Variants in SPMIP7 observed in about 807,000 individuals in gnomAD.
SPMIP7 encodes the protein protein SPMIP7.
At chr7:50,157,335 G>A in the SPMIP7 span, among the ~76,000 whole-genome samples, 7 of 152,154 alleles carry the variant, frequency 4.6e-5, no homozygotes, top group Non-Finnish European at 1.0e-4. Flanking sequence ...TGTGTTAGAG[G>A]TGGAGAAGAA....
At chr7:50,144,718 T>G in the SPMIP7 span, among the ~76,000 whole-genome samples, 1 of 152,162 alleles carries the variant, frequency 6.6e-6, no homozygotes, top group African/African-American at 2.4e-5. Context: ...TAACGCAGTT[T>G]CTACTGCAGT....
At chr7:50,142,323 A>T in the SPMIP7 span, among the ~76,000 whole-genome samples, 1 of 152,212 alleles carries the variant, frequency 6.6e-6, no homozygotes, top group African/African-American at 2.4e-5. Flanking sequence ...TTCTTCAAAG[A>T]GAGTGAAGAG....
chr7:50,151,958 A>G, the SPMIP7 span, among the ~76,000 whole-genome samples: 1 of 152,222 alleles, frequency 6.6e-6, no homozygotes, highest in Admixed American at 6.5e-5. Context: ...CATCAGATAC[A>G]TAGTTACTTC....
At chr7:50,148,971 C>A in the SPMIP7 span, among the ~76,000 whole-genome samples, 5 of 152,230 alleles carry the variant, frequency 3.3e-5, no homozygotes, top group East Asian at 9.6e-4. Context: ...AGGGTGAAAC[C>A]CCGACTCTAC....
chr7:50,134,323 T>C, the SPMIP7 span: 9 of 1,257,464 alleles, frequency 7.2e-6, 1 homozygote, highest in Non-Finnish European at 9.6e-6. Flanking sequence ...GTCAAAATAA[T>C]ACTTATTTTA....
the SPMIP7 span, chr7:50,142,648 C>T: frequency 6.6e-6 from 1 of 152,126 alleles, no homozygotes; most frequent in Non-Finnish European, 1.5e-5. Flanking sequence ...GATATAGTGT[C>T]ACATATAACA....
chr7:50,119,951 G>C, the SPMIP7 span, among the ~76,000 whole-genome samples: 2 of 152,124 alleles, frequency 1.3e-5, no homozygotes, highest in Non-Finnish European at 2.9e-5. Context: ...TGGCTCACGC[G>C]CTATGTAGGC....
At chr7:50,156,281 A>T in the SPMIP7 span, among the ~76,000 whole-genome samples, 1 of 151,790 alleles carries the variant, frequency 6.6e-6, no homozygotes, top group Admixed American at 6.6e-5. Context: ...TGAAAGTATG[A>T]GCCTTGATCT....
the SPMIP7 span, among the ~76,000 whole-genome samples, chr7:50,131,745 G>A: frequency 1.2e-4 from 19 of 152,146 alleles, no homozygotes; most frequent in African/African-American, 4.3e-4. Context: ...ATGCAAATAG[G>A]TCAAGTGGGA....
the SPMIP7 span, chr7:50,104,358 G>T: frequency 6.5e-7 from 1 of 1,542,152 alleles, no homozygotes; most frequent in Admixed American, 2.0e-5. Flanking sequence ...ACCTCATCAT[G>T]AAGGACGCTC....
the SPMIP7 span, chr7:50,134,300 T>C: frequency 7.7e-6 from 11 of 1,430,154 alleles, no homozygotes; most frequent in Non-Finnish European, 1.0e-5. Flanking sequence ...TGAAATGAGT[T>C]CTAAAACTTT....
chr7:50,111,850 A>G, the SPMIP7 span, among the ~76,000 whole-genome samples: 1 of 152,216 alleles, frequency 6.6e-6, no homozygotes, highest in Non-Finnish European at 1.5e-5. Context: ...AATGAATAGA[A>G]GAAAATAAAA....
the SPMIP7 span, among the ~76,000 whole-genome samples, chr7:50,097,045 A>G: frequency 6.6e-6 from 1 of 152,240 alleles, no homozygotes; most frequent in Non-Finnish European, 1.5e-5. Flanking sequence ...AATGGGAAAA[A>G]TTTAAGTACT....
the SPMIP7 span, among the ~76,000 whole-genome samples, chr7:50,109,982 GATAA>G: frequency 2.0e-5 from 3 of 151,994 alleles, no homozygotes; most frequent in South Asian, 2.1e-4. Flanking sequence ...TAAAAGAACT[GATAA>G]ATAAATAAAG....
chr7:50,101,707 C>A, the SPMIP7 span, among the ~76,000 whole-genome samples: 1 of 152,116 alleles, frequency 6.6e-6, no homozygotes, highest in African/African-American at 2.4e-5. Context: ...GTTTGAATGG[C>A]TCCAAATAAG....
chr7:50,129,785 T>C, the SPMIP7 span: 5 of 1,544,582 alleles, frequency 3.2e-6, no homozygotes, highest in Non-Finnish European at 4.4e-6. Flanking sequence ...ACAAGTCCTC[T>C]ACACAAAAGT....
the SPMIP7 span, among the ~76,000 whole-genome samples, chr7:50,097,163 T>A: frequency 6.6e-6 from 1 of 152,214 alleles, no homozygotes; most frequent in African/African-American, 2.4e-5. Flanking sequence ...CTTACTGACA[T>A]CTGCACCATG....
chr7:50,121,645 G>C, the SPMIP7 span, among the ~76,000 whole-genome samples: 2 of 151,440 alleles, frequency 1.3e-5, no homozygotes, highest in Non-Finnish European at 2.9e-5. Context: ...TTAATTAAAG[G>C]TTCTTTTTTT....
the SPMIP7 span, among the ~76,000 whole-genome samples, chr7:50,143,375 C>T: frequency 1.3e-5 from 2 of 152,042 alleles, no homozygotes; most frequent in South Asian, 2.1e-4. Flanking sequence ...CCATGTTGGC[C>T]AGGCTGGTCT....
Sources: gnomAD v4.1 joint callset for allele counts (sites outside exome capture counted in the v4.1 genomes callset) on GRCh38, gnomAD v4.1.1 for gene constraint, MANE v1.5 for transcripts, NCBI Gene and HGNC (gene_info 2026-07-23, HGNC 2026-07-21) for gene names.